Variants in PACS1 observed in about 807,000 individuals in gnomAD.
PACS1 encodes PACS-1.
A neutral mutation model predicts 115.0 loss-of-function variants in PACS1; 24 were observed. The observed-to-expected ratio is 0.21, with a 90% CI of 0.15 to 0.29. The LOEUF (loss-of-function observed/expected upper bound fraction) is 0.29. PACS1 is among the 10% of genes least tolerant of loss of function. The pLI is 1.00. For missense variants in PACS1, 838 were observed against 1,251.2 expected (o/e 0.67, Z 4.98); for synonymous variants, 453 against 504.5 (o/e 0.90, Z 1.37).
intron 1 of PACS1, among the ~76,000 whole-genome samples, chr11:66,088,646 A>T (rs1009449243): frequency 1.3e-5 from 2 of 152,132 alleles, no homozygotes; most frequent in African/African-American, 2.4e-5. Flanking sequence ...TGTCTCCGTG[A>T]CTGTATCTTT....
rs779722459 is a variant in PACS1, at chr11:66,193,558, C to T, written c.429C>T (p.Ile143=). Residue 143 remains isoleucine, a synonymous_variant, in exon 2 of 24, where the codon ATC becomes ATT. Transcript: ENST00000320580. ...ACAAAGATCTTAACTCAGTGGTCATCGCTGTGAAGCTGCAGGTGAGTGGGG... is the reference window on the plus strand; with the variant it reads ...ACAAAGATCTTAACTCAGTGGTCATTGCTGTGAAGCTGCAGGTGAGTGGGG... ...EMDKDLNSVV[I]AVKLQGSKRI... 11 of 1,612,812 alleles carry T rather than the reference C, an allele frequency of 6.8e-6. No individual in the cohort carries two copies. Among genetic ancestry groups the T allele is most frequent in the Non-Finnish European group, 8.5e-6 (10 of 1,178,988 alleles).
At position 66,070,377 on chromosome 11, in the gene PACS1, G is replaced by T. The variant is rs1857285341; in HGVS notation, c.-110G>T. On this transcript the variant is annotated 5_prime_UTR_variant, in exon 1 of 24. Transcript: ENST00000320580. This position sits in a 1 kb window ranked among gnomAD's most constrained non-coding sequence, Gnocchi z 5.9. ...TGCAGCTCGCTGGCTGCTCGCGCTC[G>T]GGCAGGCGGGCTGAGGAGGCTGCCG... 1 of 574,268 alleles carries T rather than the reference G, an allele frequency of 1.7e-6. No individual in the cohort carries two copies. Among genetic ancestry groups the T allele is most frequent in the South Asian group, 8.3e-5 (1 of 12,020 alleles). The allele number at this position is 574,268 out of a possible 1,614,324, so 35.6% of individuals were successfully genotyped here. A position where few individuals can be genotyped will look rare whatever the true frequency, so the allele number is the denominator to read the frequency against.
rs541162840 is a variant in PACS1, at chr11:66,154,268, C to A, written c.357-39218C>A. On this transcript the variant is annotated intron_variant, in intron 1 of 23. Coordinates refer to ENST00000320580, the MANE Select transcript of PACS1 (RefSeq NM_018026.4). ...CCTGGGCAACATAGTGAGATCCCATCTCTGCAAAAAAGTTTTAAAAATTAG... is the reference window on the plus strand; with the variant it reads ...CCTGGGCAACATAGTGAGATCCCATATCTGCAAAAAAGTTTTAAAAATTAG... Among the ~76,000 whole-genome samples, 4 of 152,230 alleles carry A rather than the reference C, an allele frequency of 2.6e-5. No individual in the cohort carries two copies. In the South Asian group the frequency reaches 8.3e-4, roughly 32 times the overall value.
At chr11:66,218,742 C>T (rs1165265381) in intron 7 of PACS1, 1 of 152,070 alleles carries the variant, frequency 6.6e-6, no homozygotes, top group African/African-American at 2.4e-5. Flanking sequence ...TGCCTGTAAT[C>T]CCAGCTACTC....
At chr11:66,117,479 GAAAA>G (rs1363635812) in intron 1 of PACS1, among the ~76,000 whole-genome samples, 1 of 145,082 alleles carries the variant, frequency 6.9e-6, no homozygotes, top group African/African-American at 2.5e-5. Flanking sequence ...AAAAAAGAGA[GAAAA>G]GAAAGAAAAA....
chr11:66,071,618 C>T (rs959378945), intron 1 of PACS1, among the ~76,000 whole-genome samples: 2 of 152,228 alleles, frequency 1.3e-5, no homozygotes, highest in African/African-American at 4.8e-5. Context: ...GTCTCCAACT[C>T]TGGGGACAGG....
At chr11:66,211,532 CAA>C (rs747687650) in intron 4 of PACS1, among the ~76,000 whole-genome samples, 1 of 152,290 alleles carries the variant, frequency 6.6e-6, no homozygotes, top group Non-Finnish European at 1.5e-5. Flanking sequence ...AAGAATAGTA[CAA>C]AGAGTTCCCA....
rs1290223615 is a variant in PACS1 at position 66,243,308 on chromosome 11, C to A, written c.*28C>A. The stretch of plus-strand genomic sequence containing the variant: ...CCCTGTCTCCCAGCCACTTTCCCTC[C>A]TGGCACTGCCACCAGCCTCACCGCC... On this transcript the variant is annotated 3_prime_UTR_variant, in exon 24 of 24. Coordinates refer to ENST00000320580, the MANE Select transcript of PACS1 (RefSeq NM_018026.4). The A allele has an allele frequency of 6.8e-7, 1 of 1,462,286 alleles. No individual in the cohort carries two copies. 90.6% of individuals were successfully genotyped at this position (1,462,286 alleles called of 1,614,324 possible).
chr11:66,136,168 A>G (rs1858839273), intron 1 of PACS1, among the ~76,000 whole-genome samples: 1 of 152,138 alleles, frequency 6.6e-6, no homozygotes, highest in African/African-American at 2.4e-5. Context: ...TCAACCCTCC[A>G]GCACTAATTC....
intron 1 of PACS1, among the ~76,000 whole-genome samples, chr11:66,188,562 G>T (rs1440438947): frequency 6.6e-6 from 1 of 152,244 alleles, no homozygotes; most frequent in East Asian, 1.9e-4. Flanking sequence ...ATTTTCTGCT[G>T]TAGAAAAACC....
In PACS1 at chr11:66,233,457, C is replaced by T. The variant is rs1855641143; in HGVS notation, c.1839-328C>T. Among the ~76,000 whole-genome samples, 2 of 152,196 alleles carry T rather than the reference C, an allele frequency of 1.3e-5. No homozygotes were observed. Among genetic ancestry groups the T allele is most frequent in the Admixed American group, 1.3e-4 (2 of 15,280 alleles). On this transcript the variant is annotated intron_variant, in intron 15 of 23. Coordinates refer to ENST00000320580, the MANE Select transcript of PACS1 (RefSeq NM_018026.4). The surrounding 1 kb of genome is among the most constrained non-coding windows in gnomAD (Gnocchi z 4.5). ...CTACCCTCAGGGCCTTCTTAAAAGG[C>T]CCAAGTCCCTTGCCCTTGTGAAAGA...
intron 10 of PACS1, among the ~76,000 whole-genome samples, chr11:66,223,938 C>T (rs900000118): frequency 5.3e-5 from 8 of 152,178 alleles, no homozygotes; most frequent in Non-Finnish European, 1.0e-4. Flanking sequence ...TGGCTCAAAC[C>T]TGTAATCCCA....
chr11:66,070,543 C>T lies in PACS1; in HGVS notation c.57C>T (p.Gly19=), dbSNP rs775800423. 5.0e-6 allele frequency: 7 copies of T among 1,386,356 alleles called. No individual in the cohort carries two copies. The South Asian group carries it at 1.1e-4, about 22-fold the overall frequency. 85.9% of individuals were successfully genotyped at this position (1,386,356 alleles called of 1,614,324 possible). A position where few individuals can be genotyped will look rare whatever the true frequency, so the allele number is the denominator to read the frequency against. Residue 19 remains glycine (G), a synonymous_variant, in exon 1 of 24, where the codon GGC becomes GGT. Transcript: ENST00000320580. The surrounding 1 kb of genome is among the most constrained non-coding windows in gnomAD (Gnocchi z 5.9). ...GGPGGAGGGS[G]QRGSGVAQSP... ...CCGGAGGCGCCGGGGGCGGCAGCGG[C>T]CAGCGGGGATCCGGGGTCGCCCAGT...
intron 1 of PACS1, among the ~76,000 whole-genome samples, chr11:66,140,356 T>TA (rs1849260820): frequency 6.6e-6 from 1 of 152,160 alleles, no homozygotes; most frequent in African/African-American, 2.4e-5. Context: ...TTGGAGAAGT[T>TA]ATTCATGGAT....
chr11:66,187,431 C>T (rs988108470), intron 1 of PACS1, among the ~76,000 whole-genome samples: 2 of 152,036 alleles, frequency 1.3e-5, no homozygotes, highest in Non-Finnish European at 2.9e-5. Flanking sequence ...AATTTTGTAC[C>T]CTTTAAGAAA....
chr11:66,239,710 G>T (rs1038628021), intron 21 of PACS1, among the ~76,000 whole-genome samples: 4 of 152,238 alleles, frequency 2.6e-5, no homozygotes, highest in Non-Finnish European at 5.9e-5. Context: ...CCTCCCAGGT[G>T]CAAGAAAGAG....
At chr11:66,096,389 T>C in intron 1 of PACS1, among the ~76,000 whole-genome samples, 1 of 152,000 alleles carries the variant, frequency 6.6e-6, no homozygotes, top group Non-Finnish European at 1.5e-5. Flanking sequence ...GTTCATTCTT[T>C]TTTATTTCCA....
intron 1 of PACS1, among the ~76,000 whole-genome samples, chr11:66,150,870 G>T (rs996594132): frequency 2.6e-5 from 4 of 152,182 alleles, no homozygotes; most frequent in African/African-American, 9.6e-5. Context: ...AATAGAAGGA[G>T]CAAGAATTGC....
chr11:66,232,229 C>G lies in PACS1; in HGVS notation c.1684C>G (p.Leu562Val). 4.3e-6 allele frequency: 7 copies of G among 1,613,784 alleles called. No homozygotes were observed. The highest frequency in any genetic ancestry group is 5.9e-6 in the Non-Finnish European group (7 of 1,179,644). ...TCAGATCCTGGTGTCAGATGCAGCC[C>G]TCCCAGAAAATGTCATTCTGGTGAA... ...LNQILVSDAA[L>V]PENVILVNTT... The change falls in exon 14 of 24, where the codon CTC (leucine) becomes GTC (valine). Residue 562 changes from leucine (L) to valine (V), a missense_variant. By Grantham distance (32) the Leu-to-Val change is conservative. Transcript: ENST00000320580.
Sources: gnomAD v4.1 joint callset for allele counts (sites outside exome capture counted in the v4.1 genomes callset) on GRCh38, gnomAD v4.1.1 for gene constraint, Gnocchi (gnomAD v3.1) non-coding constraint, MANE v1.5 for transcripts, NCBI Gene and HGNC (gene_info 2026-07-23, HGNC 2026-07-21) for gene names.